TRIOBP: variants seen among roughly 807,000 people sequenced by gnomAD.
TRIOBP encodes TRIO and F-actin-binding protein.
Under a neutral mutation model 238.8 loss-of-function variants are expected in TRIOBP, and 169 were observed. The observed-to-expected ratio is 0.71, with a 90% confidence interval of 0.62 to 0.80. TRIOBP has a LOEUF of 0.80. Ranked by LOEUF, TRIOBP falls within the 30% of genes least tolerant of loss-of-function variation. The probability of loss-of-function intolerance (pLI) is 0.00; values close to 1 mark genes in which losing one functional copy is unlikely to be tolerated. For synonymous variants in TRIOBP, 1,150 were observed against 1,274.4 expected (o/e 0.90, Z 2.08); for missense variants, 2,838 against 3,122.6 (o/e 0.91, Z 2.17).
chr22:37,743,801 ATG>A (rs71195050), intron 11 of TRIOBP, among the ~76,000 whole-genome samples: 17,395 of 113,964 alleles, frequency 0.15, 1,260 homozygotes, highest in Non-Finnish European at 0.17. Flanking sequence ...GAGAGAGAGA[ATG>A]TGTGTGTGTG....
chr22:37,710,656 GTC>G, intron 4 of TRIOBP, 90 bp downstream of exon 4: 1 of 1,494,700 alleles, frequency 6.7e-7, no homozygotes, highest in Admixed American at 2.0e-5. Flanking sequence ...GGCAGCACCT[GTC>G]TCTAATGGCT....
intron 3 of TRIOBP, among the ~76,000 whole-genome samples, chr22:37,708,538 C>A (rs940130289): frequency 2.4e-4 from 36 of 152,264 alleles, no homozygotes; most frequent in African/African-American, 8.4e-4. Flanking sequence ...GCTATAAGAG[C>A]GAGACTCTGT....
intron 4 of TRIOBP, among the ~76,000 whole-genome samples, chr22:37,711,726 C>G (rs1434685748): frequency 6.6e-6 from 1 of 151,628 alleles, no homozygotes; most frequent in African/African-American, 2.4e-5. Context: ...CTTGTCAGAG[C>G]CTTTAGCTTG....
intron 11 of TRIOBP, among the ~76,000 whole-genome samples, chr22:37,743,341 T>C (rs936500241): frequency 6.6e-6 from 1 of 152,212 alleles, no homozygotes; most frequent in Non-Finnish European, 1.5e-5. Context: ...AGCCTTACCT[T>C]ATTATTCTCA....
At chr22:37,756,183 G>A (rs971126474) in intron 15 of TRIOBP, among the ~76,000 whole-genome samples, 1 of 152,224 alleles carries the variant, frequency 6.6e-6, no homozygotes, top group Non-Finnish European at 1.5e-5. Flanking sequence ...GGGCTGGGCT[G>A]GGTGTAGTGG....
At chr22:37,756,438 G>A (rs1001971738) in intron 15 of TRIOBP, among the ~76,000 whole-genome samples, 1 of 152,190 alleles carries the variant, frequency 6.6e-6, no homozygotes, top group African/African-American at 2.4e-5. Flanking sequence ...TCCTGTCTAG[G>A]TTTCAGAGTC....
intron 14 of TRIOBP, 58 bp from the exon 15 acceptor site, chr22:37,755,492 T>C: frequency 6.8e-7 from 1 of 1,465,326 alleles, no homozygotes; most frequent in Non-Finnish European, 9.5e-7. Context: ...GGGTCCATAG[T>C]GGGGAGGGAG....
At chr22:37,715,452 C>A (rs758851169) in intron 5 of TRIOBP, among the ~76,000 whole-genome samples, 13 of 152,164 alleles carry the variant, frequency 8.5e-5, no homozygotes, top group Non-Finnish European at 1.6e-4. Flanking sequence ...ACACCATTCT[C>A]CTGCCTCAGC....
intron 17 of TRIOBP, among the ~76,000 whole-genome samples, chr22:37,763,392 A>G (rs754140437): frequency 6.6e-6 from 1 of 152,160 alleles, no homozygotes; most frequent in Non-Finnish European, 1.5e-5. Context: ...CAGGAGACAC[A>G]TAGAGGGCAG....
chr22:37,763,043 C>T (rs1311760384), intron 17 of TRIOBP, among the ~76,000 whole-genome samples: 2 of 152,066 alleles, frequency 1.3e-5, no homozygotes, highest in African/African-American at 4.8e-5. Context: ...TGAGAGAGGC[C>T]CTAGGAGCCC....
rs996081734 is a variant in TRIOBP, at chr22:37,772,197, G to A, written c.6937-404G>A. Among the ~76,000 whole-genome samples, 5 of 152,302 alleles carry A rather than the reference G, an allele frequency of 3.3e-5. No individual in the cohort carries two copies. In the South Asian group the frequency reaches 1.0e-3, roughly 32 times the overall value. ...GCTATGTCACTGCCTGGTGCGCTCTGTCAGTTTGGGGCAGGAAGTGGACAT... is the reference window on the plus strand; with the variant it reads ...GCTATGTCACTGCCTGGTGCGCTCTATCAGTTTGGGGCAGGAAGTGGACAT... On this transcript the variant is annotated intron_variant, in intron 22 of 23. Transcript: ENST00000644935.
intron 3 of TRIOBP, among the ~76,000 whole-genome samples, chr22:37,709,432 C>T (rs888221053): frequency 6.6e-6 from 1 of 152,242 alleles, no homozygotes; most frequent in Non-Finnish European, 1.5e-5. Flanking sequence ...CGAAGCCGGC[C>T]CCTCTAAGGT....
At position 37,724,459 on chromosome 22, in the gene TRIOBP, A is replaced by G. The variant is rs199786329; in HGVS notation, c.1903A>G (p.Arg635Gly). 2.0e-4 allele frequency: 318 copies of G among 1,612,212 alleles called. No homozygotes were observed. The highest frequency in any genetic ancestry group is 2.5e-4 in the Non-Finnish European group (297 of 1,179,286). ...RTSCAQRDNP[R>G]ASSPNRTTQQ... Reference sequence around the variant, plus strand: ...ATCCTGTGCCCAGCGGGACAATCCCAGAGCCTCCTCTCCCAACAGAACCAC... The same window carrying G: ...ATCCTGTGCCCAGCGGGACAATCCCGGAGCCTCCTCTCCCAACAGAACCAC... Residue 635 changes from arginine (R) to glycine (G), a missense_variant, in exon 7 of 24, where the codon AGA (arginine) becomes GGA (glycine). Physicochemically the swap from Arg to Gly is moderately radical, Grantham distance 125. Transcript: ENST00000644935.
In TRIOBP at chr22:37,697,579, C is replaced by G. The variant is rs1022024175; in HGVS notation, c.-169-9C>G. 6.6e-6 allele frequency: 1 copy of G among 152,292 alleles called. No homozygotes were observed. The highest frequency in any genetic ancestry group is 2.4e-5 in the African/African-American group (1 of 41,430). 9.4% of individuals were successfully genotyped at this position (152,292 alleles called of 1,614,324 possible). A position where few individuals can be genotyped will look rare whatever the true frequency, so the allele number is the denominator to read the frequency against. ...CTTGCTGTCGCCCCCACCGCATTCCCTTCTCCAGGTCTGATGATGGAGGAG... is the reference window on the plus strand; with the variant it reads ...CTTGCTGTCGCCCCCACCGCATTCCGTTCTCCAGGTCTGATGATGGAGGAG... On this transcript the variant is annotated splice_polypyrimidine_tract_variant and intron_variant, in intron 1 of 23. Coordinates refer to ENST00000644935, the MANE Select transcript of TRIOBP (RefSeq NM_001039141.3).
chr22:37,725,395 C>A lies in TRIOBP; in HGVS notation c.2839C>A (p.Pro947Thr). 6.2e-7 allele frequency: 1 copy of A among 1,611,056 alleles called. No individual in the cohort carries two copies. The highest frequency in any genetic ancestry group is 8.5e-7 in the Non-Finnish European group (1 of 1,178,002). The change falls in exon 7 of 24, where the codon CCT becomes ACT. Residue 947 changes from proline to threonine, a missense_variant. Physicochemically the swap from Pro to Thr is conservative, Grantham distance 38. This residue lies in a region of TRIOBP where 2,096 missense variants were observed against 2,137.4 expected (regional missense o/e 0.98). Transcript: ENST00000644935. ...IALRPTQGDRPQTSSPSRPAQ... is the reference protein window; with the variant it reads ...IALRPTQGDRTQTSSPSRPAQ... ...CCTCCGGCCAACCCAAGGTGACAGG[C>A]CTCAGACATCCTCTCCCAGCAGGCC...
At chr22:37,744,718 C>T (rs1000703547) in intron 11 of TRIOBP, among the ~76,000 whole-genome samples, 4 of 152,134 alleles carry the variant, frequency 2.6e-5, no homozygotes, top group Admixed American at 2.6e-4. Context: ...CCCGGGGTGC[C>T]AGAAGGCCAG....
At chr22:37,741,448 C>G (rs1389640795) in intron 11 of TRIOBP, among the ~76,000 whole-genome samples, 1 of 152,216 alleles carries the variant, frequency 6.6e-6, no homozygotes, top group African/African-American at 2.4e-5. Flanking sequence ...CGTTACGTAA[C>G]CCATCCCCTG....
chr22:37,708,829 C>G (rs1242332428), intron 3 of TRIOBP, among the ~76,000 whole-genome samples: 1 of 152,220 alleles, frequency 6.6e-6, no homozygotes, highest in Non-Finnish European at 1.5e-5. Flanking sequence ...TGCTGACCCG[C>G]CAGACAGGAA....
intron 6 of TRIOBP, among the ~76,000 whole-genome samples, chr22:37,716,926 G>A (rs1034772373): frequency 2.6e-5 from 4 of 152,192 alleles, no homozygotes; most frequent in African/African-American, 4.8e-5. Flanking sequence ...AATCCCTAGG[G>A]TGATAATTTG....
Sources: allele counts gnomAD v4.1 joint callset (sites outside exome capture counted in the v4.1 genomes callset), GRCh38; gene constraint gnomAD v4.1.1; regional missense constraint gnomAD v4.1.1; transcripts MANE v1.5; gene names NCBI Gene and HGNC (gene_info 2026-07-23, HGNC 2026-07-21).